NBPF3: variants seen among roughly 807,000 people sequenced by gnomAD.
The protein encoded by NBPF3 is NBPF family member NBPF3.
Under a neutral mutation model 78.1 loss-of-function variants are expected in NBPF3, and 57 were observed. That is an observed-to-expected ratio of 0.73 (90% CI 0.59 to 0.91). The LOEUF (loss-of-function observed/expected upper bound fraction) is 0.91. Among genes scored for constraint, NBPF3 ranks in the 40% least tolerant of loss-of-function variants. The pLI is 0.00. For missense variants in NBPF3, 510 were observed against 715.3 expected (o/e 0.71, Z 3.27); for synonymous variants, 182 against 271.7 (o/e 0.67, Z 3.25).
intron 2 of NBPF3, among the ~76,000 whole-genome samples, chr1:21,457,599 G>A (rs1641703030): frequency 6.6e-6 from 1 of 152,076 alleles, no homozygotes; most frequent in Admixed American, 6.6e-5. Context: ...ATATCCAAGA[G>A]GATGGCTAAA....
intron 5 of NBPF3, among the ~76,000 whole-genome samples, chr1:21,472,172 A>T (rs1642635199): frequency 1.3e-5 from 2 of 152,156 alleles, no homozygotes; most frequent in African/African-American, 4.8e-5. Context: ...TGAGTGAGTG[A>T]TTTATCCTTC....
intron 2 of NBPF3, among the ~76,000 whole-genome samples, chr1:21,457,436 G>A (rs1214354788): frequency 6.6e-6 from 1 of 150,982 alleles, no homozygotes; most frequent in Admixed American, 6.6e-5. Context: ...GTTTATATAT[G>A]TCTAATAAGA....
At chr1:21,444,075 C>CT (rs911283425) in intron 1 of NBPF3, among the ~76,000 whole-genome samples, 1 of 152,116 alleles carries the variant, frequency 6.6e-6, no homozygotes, top group African/African-American at 2.4e-5. Flanking sequence ...GATTTTGTCT[C>CT]TTTTATTCAC....
intron 2 of NBPF3, among the ~76,000 whole-genome samples, chr1:21,461,597 G>A (rs1383990201): frequency 6.6e-6 from 1 of 152,160 alleles, no homozygotes; most frequent in Non-Finnish European, 1.5e-5. Flanking sequence ...AAGTAGCTGG[G>A]ATTACAGGCA....
At chr1:21,450,118 G>T (rs1462419703) in intron 2 of NBPF3, among the ~76,000 whole-genome samples, 1 of 151,892 alleles carries the variant, frequency 6.6e-6, no homozygotes, top group East Asian at 1.9e-4. Context: ...TCTCTGATCA[G>T]AGTCATGTGA....
At chr1:21,445,504 G>A (rs12118362) in intron 2 of NBPF3, among the ~76,000 whole-genome samples, 26,540 of 149,890 alleles carry the variant, frequency 0.18, 2,964 homozygotes, top group Admixed American at 0.3. Flanking sequence ...CCCTCTCCCC[G>A]CTCTTCCCCT....
chr1:21,437,301 C>T (rs544872547), upstream of NBPF3: 2 of 409,634 alleles, frequency 4.9e-6, no homozygotes, highest in South Asian at 5.7e-5. Flanking sequence ...GGGGGTTTGT[C>T]TGGCATCGGT....
chr1:21,449,961 T>C lies in NBPF3; in HGVS notation c.133+4742T>C, dbSNP rs144792194. On this transcript the variant is annotated intron_variant, in intron 2 of 14. Transcript: ENST00000318249. The stretch of plus-strand genomic sequence containing the variant: ...GATTGATGGATTGATTGATTTTTTC[T>C]CTGAGAGGAATTAGCATCCATGTAT... 4.6e-3 allele frequency: 1,130 copies of C among 246,828 alleles called. 22 individuals carry two copies. Among genetic ancestry groups the C allele is most frequent in the South Asian group, 0.043 (288 of 6,698 alleles). The allele number at this position is 246,828 out of a possible 1,614,324, so 15.3% of individuals were successfully genotyped here. A position where few individuals can be genotyped will look rare whatever the true frequency, so the allele number is the denominator to read the frequency against.
In NBPF3 at chr1:21,454,726, C is replaced by T. The variant is rs559966584; in HGVS notation, c.133+9507C>T. 2.0e-5 allele frequency among the ~76,000 whole-genome samples: 3 copies of T among 152,344 alleles called. No homozygotes were observed. In the East Asian group the frequency reaches 5.8e-4, roughly 29 times the overall value. ...ACCATATCAGCATACAGGCATCCCT[C>T]TCCCACCGTTTCCTTCTTGTCCCCA... On this transcript the variant is annotated intron_variant, in intron 2 of 14. Coordinates refer to ENST00000318249, the MANE Select transcript of NBPF3 (RefSeq NM_032264.6).
At chr1:21,451,582 G>A (rs1208135949) in intron 2 of NBPF3, among the ~76,000 whole-genome samples, 3 of 152,222 alleles carry the variant, frequency 2.0e-5, no homozygotes, top group African/African-American at 7.2e-5. Context: ...CCACCATGAA[G>A]TTGGGATTCA....
In NBPF3 at chr1:21,444,950, A is replaced by G. The variant is rs532293192; in HGVS notation, c.-137A>G. Reference sequence around the variant, plus strand: ...GATTTCTCTCTTTTATCTCACAGGCAATCTGAAGGCAAATCCTGTTTAGAC... The same window carrying G: ...GATTTCTCTCTTTTATCTCACAGGCGATCTGAAGGCAAATCCTGTTTAGAC... On this transcript the variant is annotated splice_region_variant and 5_prime_UTR_variant, in exon 2 of 15. Coordinates refer to ENST00000318249, the MANE Select transcript of NBPF3 (RefSeq NM_032264.6). 9.0e-6 allele frequency: 8 copies of G among 885,464 alleles called. No individual in the cohort carries two copies. In the South Asian group the frequency reaches 1.6e-4, roughly 18 times the overall value. The allele number at this position is 885,464 out of a possible 1,614,324, so 54.9% of individuals were successfully genotyped here.
At chr1:21,443,425 C>G (rs1447709043) in intron 1 of NBPF3, among the ~76,000 whole-genome samples, 1 of 152,056 alleles carries the variant, frequency 6.6e-6, no homozygotes, top group Non-Finnish European at 1.5e-5. Flanking sequence ...ATTTATTTGT[C>G]TTTTTGAAGT....
At chr1:21,446,509 CTCTCTT>C (rs1207528064) in intron 2 of NBPF3, 1 of 143,820 alleles carries the variant, frequency 7.0e-6, no homozygotes, top group Non-Finnish European at 1.6e-5. Context: ...TTCCCTCCAA[CTCTCTT>C]TCTCTTTATT....
At chr1:21,468,977 T>A in intron 3 of NBPF3, 80 bp downstream of exon 3, 1 of 1,157,846 alleles carries the variant, frequency 8.6e-7, no homozygotes, top group Admixed American at 2.1e-5. Context: ...GCTCTCTCCA[T>A]CAAAAATAAG....
In NBPF3 at chr1:21,476,877, A is replaced by G. The variant is rs1214447358; in HGVS notation, c.993-1267A>G. ...ATAATATCCTGAAGAGTGTTTTCCA[A>G]CTTGGTTCCATTCTCCCCGTCACTT... On this transcript the variant is annotated intron_variant, in intron 8 of 14. Transcript: ENST00000318249. This position sits in a 1 kb window ranked among gnomAD's most constrained non-coding sequence, Gnocchi z 4.1. Among the ~76,000 whole-genome samples the G allele has an allele frequency of 1.3e-5, 2 of 152,212 alleles. No homozygotes were observed. The highest frequency in any genetic ancestry group is 2.4e-5 in the African/African-American group (1 of 41,452).
At chr1:21,443,796 A>G (rs901399479) in intron 1 of NBPF3, among the ~76,000 whole-genome samples, 1 of 152,038 alleles carries the variant, frequency 6.6e-6, no homozygotes, top group African/African-American at 2.4e-5. Context: ...TCCTTTTTGT[A>G]GACAGGGTTT....
upstream of NBPF3, among the ~76,000 whole-genome samples, chr1:21,437,983 G>A (rs1179271268): frequency 6.6e-6 from 1 of 151,976 alleles, no homozygotes; most frequent in Non-Finnish European, 1.5e-5. Flanking sequence ...CAACACCCCC[G>A]GCTAATTCTT....
At chr1:21,452,973 C>CT (rs1641394455) in intron 2 of NBPF3, among the ~76,000 whole-genome samples, 1 of 152,046 alleles carries the variant, frequency 6.6e-6, no homozygotes. Context: ...TTATGCTGAG[C>CT]TTTTTTTTCT....
intron 2 of NBPF3, among the ~76,000 whole-genome samples, chr1:21,462,809 A>G (rs1319577687): frequency 2.0e-5 from 3 of 152,182 alleles, no homozygotes; most frequent in Admixed American, 2.0e-4. Flanking sequence ...GACCTAGGGA[A>G]ATTTTGCAAT....
Sources: allele counts gnomAD v4.1 joint callset (sites outside exome capture counted in the v4.1 genomes callset), GRCh38; gene constraint gnomAD v4.1.1; non-coding constraint Gnocchi (gnomAD v3.1); transcripts MANE v1.5; gene names NCBI Gene and HGNC (gene_info 2026-07-23, HGNC 2026-07-21).